TRIM27: variants seen among roughly 807,000 people sequenced by gnomAD.
TRIM27 encodes the protein tripartite motif containing 27, also known as zinc finger protein RFP.
Under a neutral mutation model 57.6 loss-of-function variants are expected in TRIM27, and 12 were observed. The ratio of observed to expected loss-of-function variants is 0.21; its 90% CI spans 0.13 to 0.34. The LOEUF is 0.34. TRIM27 is among the 10% of genes least tolerant of loss of function. The probability of loss-of-function intolerance (pLI) is 1.00; values close to 1 mark genes in which losing one functional copy is unlikely to be tolerated. For missense variants in TRIM27, 403 were observed against 656.8 expected, an observed-to-expected ratio of 0.61 and a Z score of 4.22; for synonymous variants, 266 against 259.0, an observed-to-expected ratio of 1.03 and a Z score of -0.26.
Position 28,909,025 on chromosome 6 carries a change from G to A in TRIM27, c.834C>T (p.His278=), listed in dbSNP as rs755641983. ...ITPPDLQEKI[H]IFAQKCLFLT... ...AGAATAGACATTTTTGGGCAAAAAT[G>A]TGGATTTTCTCTTGCAAATCTGGAG... is the stretch of plus-strand genomic sequence containing the variant. Residue 278 remains histidine (H), a synonymous_variant, in exon 5 of 8, where the codon CAC becomes CAT. Coordinates refer to ENST00000377199, the MANE Select transcript of TRIM27 (RefSeq NM_006510.5). 1 of 1,614,090 alleles carries A rather than the reference G, an allele frequency of 6.2e-7. No individual in the cohort carries two copies. The highest frequency in any genetic ancestry group is 1.1e-5 in the South Asian group (1 of 91,070).
chr6:28,914,175 T>TTG (rs1773429919), intron 3 of TRIM27, among the ~76,000 whole-genome samples: 1 of 146,276 alleles, frequency 6.8e-6, no homozygotes, highest in Non-Finnish European at 1.5e-5. Context: ...TTGATCTGCC[T>TTG]CCCAGGCTGG....
At position 28,909,103 on chromosome 6, in the gene TRIM27, C is replaced by A; in HGVS notation, c.771-15G>T. The A allele has an allele frequency of 6.4e-7, 1 of 1,565,866 alleles. No homozygotes were observed. Among genetic ancestry groups the A allele is most frequent in the Non-Finnish European group, 8.7e-7 (1 of 1,149,358 alleles). ...TTCTTTCAGCCCTAAATTTAAAAAA[C>A]ATGAGTAAATTTTTTTTTTTTTTGA... On this transcript the variant is annotated splice_polypyrimidine_tract_variant and intron_variant, in intron 4 of 7. Coordinates refer to ENST00000377199, the MANE Select transcript of TRIM27 (RefSeq NM_006510.5).
At position 28,923,738 on chromosome 6, in the gene TRIM27, G is replaced by C; in HGVS notation, c.-106C>G. Reference sequence around the variant, plus strand: ...GGTTCGCTGTTCCTGAGAGGCACCGGGCGGACGGAGGGCGGCGCCTCCCGG... The same window carrying C: ...GGTTCGCTGTTCCTGAGAGGCACCGCGCGGACGGAGGGCGGCGCCTCCCGG... On this transcript the variant is annotated 5_prime_UTR_variant, in exon 1 of 8. Coordinates refer to ENST00000377199, the MANE Select transcript of TRIM27 (RefSeq NM_006510.5). The C allele has an allele frequency of 7.9e-7, 1 of 1,268,922 alleles. No homozygotes were observed. The highest frequency in any genetic ancestry group is 1.0e-6 in the Non-Finnish European group (1 of 952,684). The allele number at this position is 1,268,922 out of a possible 1,614,324, so 78.6% of individuals were successfully genotyped here.
chr6:28,914,595 T>TGGGGG (rs1773469669), intron 3 of TRIM27, among the ~76,000 whole-genome samples: 8 of 35,700 alleles, frequency 2.2e-4, no homozygotes, highest in African/African-American at 5.3e-4. Flanking sequence ...GGGGGGGGGA[T>TGGGGG]GAGGGATAAC....
intron 7 of TRIM27, chr6:28,906,023 CCT>C (rs995118897): frequency 2.6e-5 from 4 of 151,750 alleles, no homozygotes; most frequent in African/African-American, 7.3e-5. Flanking sequence ...AGTTTGAGAC[CCT>C]GTCTCTACAA....
At position 28,904,661 on chromosome 6, in the gene TRIM27, G is replaced by A. The variant is rs753568418; in HGVS notation, c.951C>T (p.Asp317=). 3.7e-5 allele frequency: 59 copies of A among 1,595,764 alleles called. No homozygotes were observed. Among genetic ancestry groups the A allele is most frequent in the Non-Finnish European group, 4.5e-5 (53 of 1,177,936 alleles). Residue 317 remains aspartate, a synonymous_variant, in exon 8 of 8, where the codon GAC becomes GAT. Transcript: ENST00000377199. This position sits in a 1 kb window ranked among gnomAD's most constrained non-coding sequence, Gnocchi z 6.1. ...AGGCCGTGTCTGGGTCCAGAGTCAC[G>A]TCCACTGTAGAGACACAAGGAAGAC... ...ELREAQLYSV[D]VTLDPDTAYP... is the part of the protein sequence containing the mutation.
At chr6:28,914,137 C>CTT (rs775171584) in intron 3 of TRIM27, among the ~76,000 whole-genome samples, 24 of 125,212 alleles carry the variant, frequency 1.9e-4, no homozygotes, top group Admixed American at 3.3e-4. Context: ...TCTATCCCAG[C>CTT]TTTTTTTTTT....
At chr6:28,910,663 C>T (rs543012094) in intron 4 of TRIM27, among the ~76,000 whole-genome samples, 2 of 152,248 alleles carry the variant, frequency 1.3e-5, no homozygotes, top group East Asian at 3.9e-4. Flanking sequence ...AAGCCTTAAG[C>T]CAATAAAATT....
rs372922879 is a variant in TRIM27 at position 28,916,568 on chromosome 6, T to C, written c.747+3444A>G. ...ACTCTGCCTCAAAAAAAAAAAAAAG[T>C]ATGCTAAGTGAAGAAAAAGGCTACG... On this transcript the variant is annotated intron_variant, in intron 3 of 7. Transcript: ENST00000377199. Among the ~76,000 whole-genome samples, 33 of 148,658 alleles carry C rather than the reference T, an allele frequency of 2.2e-4. No individual in the cohort carries two copies. The South Asian group carries it at 5.8e-3, about 26-fold the overall frequency.
intron 3 of TRIM27, among the ~76,000 whole-genome samples, chr6:28,913,338 T>C (rs1185907282): frequency 1.3e-5 from 2 of 150,644 alleles, no homozygotes; most frequent in Admixed American, 6.6e-5. Flanking sequence ...TATAATAGTT[T>C]TGTAAACTAC....
Position 28,920,201 on chromosome 6 carries a change from A to G in TRIM27, c.558T>C (p.Phe186=). Residue 186 remains phenylalanine, a synonymous_variant, in exon 3 of 8, where the codon TTT becomes TTC. Coordinates refer to ENST00000377199, the MANE Select transcript of TRIM27 (RefSeq NM_006510.5). ...QMEREKIVWE[F]EQLYHSLKEH... ...CCTTTAAGGAGTGATACAGCTGCTC[A>G]AACTCCCAAACAATCTTCTCCCTCT... The G allele has an allele frequency of 6.2e-7, 1 of 1,613,078 alleles. No homozygotes were observed. Among genetic ancestry groups the G allele is most frequent in the African/African-American group, 1.3e-5 (1 of 75,048 alleles).
In TRIM27 at chr6:28,917,034, T is replaced by C. The variant is rs921055918; in HGVS notation, c.747+2978A>G. ...GTTTACGCCTGTAGTCCCAGCTACT[T>C]GGGAGGCTGAGGTGGGAGGATCATC... is the stretch of plus-strand genomic sequence containing the variant. On this transcript the variant is annotated intron_variant, in intron 3 of 7. Transcript: ENST00000377199. Among the ~76,000 whole-genome samples the C allele has an allele frequency of 5.3e-5, 8 of 151,854 alleles. No homozygotes were observed. In the East Asian group the frequency reaches 1.6e-3, roughly 29 times the overall value.
chr6:28,909,601 A>G (rs1342164670), intron 4 of TRIM27, among the ~76,000 whole-genome samples: 1 of 152,216 alleles, frequency 6.6e-6, no homozygotes, highest in African/African-American at 2.4e-5. Flanking sequence ...CACCTAGCTC[A>G]CAGCTTTTCA....
At chr6:28,916,422 C>A (rs1008488236) in intron 3 of TRIM27, among the ~76,000 whole-genome samples, 9 of 151,802 alleles carry the variant, frequency 5.9e-5, no homozygotes, top group Non-Finnish European at 1.2e-4. Context: ...GGTGGTGGCG[C>A]ATGCCTGTAA....
At chr6:28,908,711 T>C (rs970064735) in intron 6 of TRIM27, 97 bp downstream of exon 6, 19 of 1,124,726 alleles carry the variant, frequency 1.7e-5, no homozygotes, top group African/African-American at 1.1e-4. Context: ...GGCTGGCCAA[T>C]GGGTATCACC....
chr6:28,908,615 C>T, intron 6 of TRIM27, 193 bp downstream of exon 6: 1 of 564,364 alleles, frequency 1.8e-6, no homozygotes, highest in Non-Finnish European at 3.1e-6. Context: ...TGACTAAATA[C>T]AGTTAACAAA....
chr6:28,916,479 CA>C (rs1362135412), intron 3 of TRIM27, among the ~76,000 whole-genome samples: 6 of 151,470 alleles, frequency 4.0e-5, no homozygotes, highest in African/African-American at 1.5e-4. Flanking sequence ...TTGAACCTGG[CA>C]GGCGGAGGTT....
chr6:28,909,550 ACCAAAATAG>A (rs1773027548), intron 4 of TRIM27, among the ~76,000 whole-genome samples: 1 of 152,162 alleles, frequency 6.6e-6, no homozygotes, highest in African/African-American at 2.4e-5. Flanking sequence ...GATCCTCTAG[ACCAAAATAG>A]GATACTGTAC....
At chr6:28,905,903 A>G (rs968016358) in intron 7 of TRIM27, 6 of 152,196 alleles carry the variant, frequency 3.9e-5, no homozygotes, top group African/African-American at 1.2e-4. Context: ...TCTTGCTATC[A>G]TCAAGTGTTT....
Sources: gnomAD v4.1 joint callset for allele counts (sites outside exome capture counted in the v4.1 genomes callset) on GRCh38, gnomAD v4.1.1 for gene constraint, Gnocchi (gnomAD v3.1) non-coding constraint, MANE v1.5 for transcripts, NCBI Gene and HGNC (gene_info 2026-07-23, HGNC 2026-07-21) for gene names.